The following CCDC102B variants were observed in gnomAD, a reference collection of about 807,000 sequenced individuals.
CCDC102B encodes coiled-coil domain containing 102B.
CCDC102B carries 75 observed loss-of-function variants against 57.4 expected under a neutral mutation model. The ratio of observed to expected loss-of-function variants is 1.31; its 90% CI spans 1.08 to 1.58. CCDC102B has a LOEUF of 1.58. CCDC102B is among the 40% of genes most tolerant of loss of function. The pLI is 0.00. For missense variants in CCDC102B, 636 were observed against 582.6 expected (o/e 1.09, Z -0.94); for synonymous variants, 206 against 201.9 (o/e 1.02, Z -0.17).
chr18:68,897,172 G>T (rs537966867), intron 5 of CCDC102B, 47 bp from the exon 6 acceptor site: 2 of 1,473,922 alleles, frequency 1.4e-6, no homozygotes, highest in Admixed American at 1.9e-5. Context: ...TTATCTTTTG[G>T]CAATTGCAAA....
chr18:68,869,136 G>A (rs1568300794), intron 4 of CCDC102B, among the ~76,000 whole-genome samples: 1 of 152,128 alleles, frequency 6.6e-6, no homozygotes. Flanking sequence ...TTCTGAATAT[G>A]TTGAGGTTGA....
chr18:68,862,316 A>G (rs2038796549), intron 4 of CCDC102B, among the ~76,000 whole-genome samples: 1 of 152,160 alleles, frequency 6.6e-6, no homozygotes, highest in Non-Finnish European at 1.5e-5. Flanking sequence ...TGTGGACAAA[A>G]ATCAGCCATC....
At chr18:68,805,174 C>T (rs780722966) in intron 1 of CCDC102B, among the ~76,000 whole-genome samples, 2 of 152,078 alleles carry the variant, frequency 1.3e-5, no homozygotes, top group Non-Finnish European at 2.9e-5. Flanking sequence ...AATAGAAAAA[C>T]CCCCGCAATC....
At chr18:68,857,176 TAA>T (rs1169026589) in intron 4 of CCDC102B, among the ~76,000 whole-genome samples, 1 of 17,086 alleles carries the variant, frequency 5.9e-5, no homozygotes, top group African/African-American at 2.3e-4. Context: ...ATATAATATA[TAA>T]AAATATATTT....
intron 2 of CCDC102B, among the ~76,000 whole-genome samples, chr18:68,791,530 T>A (rs1599467160): frequency 2.3e-3 from 1 of 438 alleles, no homozygotes; most frequent in Admixed American, 0.12. Flanking sequence ...TGTAACAATG[T>A]TTTTTTTTGT....
Position 68,838,832 on chromosome 18 carries a change from G to A in CCDC102B, c.733G>A (p.Ala245Thr). ...GETKTGLRLK[A>T]INLPLENEVT... ...AACGAAAACTGGGCTGAGACTGAAA[G>A]CAATAAATCTGCCTTTGGAAAATGA... The change falls in exon 3 of 8, where the codon GCA (alanine) becomes ACA (threonine). Residue 245 changes from alanine (A) to threonine (T), a missense_variant. Ala to Thr is a moderately conservative substitution (Grantham distance 58). Coordinates refer to ENST00000360242, the MANE Select transcript of CCDC102B (RefSeq NM_024781.3). 1 of 1,613,986 alleles carries A rather than the reference G, an allele frequency of 6.2e-7. No homozygotes were observed. The highest frequency in any genetic ancestry group is 1.7e-5 in the Admixed American group (1 of 60,014).
intron 2 of CCDC102B, among the ~76,000 whole-genome samples, chr18:68,782,139 A>T (rs2035025831): frequency 6.6e-6 from 1 of 152,082 alleles, no homozygotes; most frequent in African/African-American, 2.4e-5. Flanking sequence ...TCTTAGAAAG[A>T]TGGTTAATAA....
chr18:68,979,537 A>C (rs954324021), intron 6 of CCDC102B, among the ~76,000 whole-genome samples: 1 of 152,028 alleles, frequency 6.6e-6, no homozygotes, highest in African/African-American at 2.4e-5. Flanking sequence ...GAAGAGAATA[A>C]TATTTATTAG....
chr18:68,948,075 T>C lies in CCDC102B; in HGVS notation c.1263+50647T>C, dbSNP rs556403300. ...ATGCTTTTGCAATATATATACTCCA[T>C]TTGCTAAAAGGTTTTAACTTATTTT... is the stretch of plus-strand genomic sequence containing the variant. On this transcript the variant is annotated intron_variant, in intron 6 of 7. Coordinates refer to ENST00000360242, the MANE Select transcript of CCDC102B (RefSeq NM_024781.3). 7.9e-5 allele frequency among the ~76,000 whole-genome samples: 12 copies of C among 152,130 alleles called. No individual in the cohort carries two copies. In the South Asian group the frequency reaches 2.5e-3, roughly 31 times the overall value.
chr18:68,743,534 C>T (rs373221661), intron 2 of CCDC102B, among the ~76,000 whole-genome samples: 6 of 152,246 alleles, frequency 3.9e-5, no homozygotes, highest in African/African-American at 1.2e-4. Flanking sequence ...GAATAAAGAC[C>T]CTGAGGAGTT....
At chr18:69,018,716 T>C (rs531459374) in intron 7 of CCDC102B, among the ~76,000 whole-genome samples, 1 of 151,812 alleles carries the variant, frequency 6.6e-6, no homozygotes, top group Non-Finnish European at 1.5e-5. Flanking sequence ...TATTTGTATC[T>C]TTAGTTTGCC....
At chr18:68,918,385 A>G (rs530025929) in intron 6 of CCDC102B, among the ~76,000 whole-genome samples, 6 of 152,014 alleles carry the variant, frequency 3.9e-5, no homozygotes, top group East Asian at 1.9e-4. Context: ...GTTACCTCCT[A>G]TGGTTATGGT....
chr18:68,863,178 T>G (rs73967728), intron 4 of CCDC102B, among the ~76,000 whole-genome samples: 1 of 150,098 alleles, frequency 6.7e-6, no homozygotes, highest in Admixed American at 6.7e-5. Flanking sequence ...TAAGGTGTGT[T>G]TATATATATA....
chr18:68,995,994 A>G (rs1390547806), intron 6 of CCDC102B, among the ~76,000 whole-genome samples: 3 of 152,208 alleles, frequency 2.0e-5, no homozygotes, highest in African/African-American at 4.8e-5. Context: ...GATGTGAGAC[A>G]TAGAGTCAAA....
At chr18:68,718,729 G>A (rs963064369) in intron 2 of CCDC102B, among the ~76,000 whole-genome samples, 4 of 152,140 alleles carry the variant, frequency 2.6e-5, no homozygotes, top group African/African-American at 4.8e-5. Flanking sequence ...TTGGTTTAAT[G>A]CAGATTCTGA....
chr18:68,818,663 C>T (rs769722137), intron 1 of CCDC102B, among the ~76,000 whole-genome samples: 18 of 152,080 alleles, frequency 1.2e-4, no homozygotes, highest in Non-Finnish European at 1.8e-4. Context: ...TCTTTTACTT[C>T]GAATTTTGTT....
At chr18:68,811,660 A>G (rs1568263883) in intron 1 of CCDC102B, among the ~76,000 whole-genome samples, 1 of 152,132 alleles carries the variant, frequency 6.6e-6, no homozygotes, top group Non-Finnish European at 1.5e-5. Flanking sequence ...CAATTTAGGC[A>G]GGCAGAAGGG....
At chr18:68,740,203 T>C (rs2033322940) in intron 2 of CCDC102B, among the ~76,000 whole-genome samples, 1 of 152,142 alleles carries the variant, frequency 6.6e-6, no homozygotes, top group Admixed American at 6.5e-5. Context: ...TCTCCAAATA[T>C]TGCCCAATGT....
intron 6 of CCDC102B, among the ~76,000 whole-genome samples, chr18:68,986,414 T>A (rs2050724811): frequency 6.6e-6 from 1 of 152,160 alleles, no homozygotes; most frequent in Admixed American, 6.6e-5. Context: ...CTCAATTGAT[T>A]CAGGAAAAGC....
Sources: allele counts gnomAD v4.1 joint callset (sites outside exome capture counted in the v4.1 genomes callset), GRCh38; gene constraint gnomAD v4.1.1; transcripts MANE v1.5; gene names NCBI Gene and HGNC (gene_info 2026-07-23, HGNC 2026-07-21).